Variants in MAP3K7 observed in about 807,000 individuals in gnomAD.
The protein encoded by MAP3K7 is TGF-beta activated kinase 1.
In MAP3K7, 21 loss-of-function variants were observed where a neutral mutation model predicts 84.8. The ratio of observed to expected loss-of-function variants is 0.25; its 90% CI spans 0.18 to 0.36. The LOEUF is 0.36. MAP3K7 is among the 10% of genes least tolerant of loss of function. The pLI is 1.00. For missense variants in MAP3K7, 503 were observed against 747.7 expected, an observed-to-expected ratio of 0.67 and a Z score of 3.82; for synonymous variants, 241 against 247.7, an observed-to-expected ratio of 0.97 and a Z score of 0.25.
At chr6:90,548,977 T>C (rs980792619) in intron 9 of MAP3K7, among the ~76,000 whole-genome samples, 10 of 151,954 alleles carry the variant, frequency 6.6e-5, no homozygotes, top group African/African-American at 2.4e-4. Context: ...TACGTCTGAA[T>C]GGAGTCAGCT....
At chr6:90,530,063 T>C (rs1280668114) in intron 13 of MAP3K7, among the ~76,000 whole-genome samples, 1 of 152,180 alleles carries the variant, frequency 6.6e-6, no homozygotes, top group Non-Finnish European at 1.5e-5. Context: ...AGTATAGACA[T>C]TATGAAATTA....
rs773288577 is a variant in MAP3K7 at position 90,556,650 on chromosome 6, C to A, written c.483-26G>T. The A allele has an allele frequency of 3.2e-6, 5 of 1,567,798 alleles. No individual in the cohort carries two copies. The Admixed American group carries it at 6.1e-5, about 19-fold the overall frequency. ...CTGTTTAAAAAAAAACAAAAAACAT[C>A]AAAAGTTACAAGGCCAACATTTTAT... On this transcript the variant is annotated intron_variant, in intron 5 of 16. Coordinates refer to ENST00000369329, the MANE Select transcript of MAP3K7 (RefSeq NM_145331.3).
intron 1 of MAP3K7, among the ~76,000 whole-genome samples, chr6:90,579,647 C>G (rs1013524712): frequency 2.0e-5 from 3 of 152,044 alleles, no homozygotes; most frequent in African/African-American, 7.2e-5. Context: ...TTTACTTGAC[C>G]TTAGTTAAGT....
In MAP3K7 at chr6:90,527,901, C is replaced by T. The variant is rs1775377385; in HGVS notation, c.1357-4118G>A. 2.9e-4 allele frequency among the ~76,000 whole-genome samples: 2 copies of T among 6,956 alleles called. 1 individual carries two copies. Among genetic ancestry groups the T allele is most frequent in the Non-Finnish European group, 4.9e-4 (2 of 4,066 alleles). The allele number at this position is 6,956 out of a possible 152,430, so 4.6% of individuals were successfully genotyped here. A position where few individuals can be genotyped will look rare whatever the true frequency, so the allele number is the denominator to read the frequency against. ...TTTTTTTTTTTTTTTTTTTTTGAGACGGAGTCTCGCTCTGTCGCCCAGGCT... is the reference window on the plus strand; with the variant it reads ...TTTTTTTTTTTTTTTTTTTTTGAGATGGAGTCTCGCTCTGTCGCCCAGGCT... On this transcript the variant is annotated intron_variant, in intron 13 of 16. Transcript: ENST00000369329.
At chr6:90,530,827 T>C (rs1775484679) in intron 13 of MAP3K7, among the ~76,000 whole-genome samples, 1 of 152,156 alleles carries the variant, frequency 6.6e-6, no homozygotes, top group Non-Finnish European at 1.5e-5. Flanking sequence ...GTGGCTGAAT[T>C]TATGTTACTG....
chr6:90,553,489 T>C lies in MAP3K7; in HGVS notation c.705A>G (p.Pro235=), dbSNP rs1776243340. ...GAACAGCCCACATGATTCGGAAAGC[T>C]GGGCCACCAATCTCATCAAAGGGTT... is the stretch of plus-strand genomic sequence containing the variant. ...RRKPFDEIGG[P]AFRIMWAVHN... is the part of the protein sequence containing the mutation. The change falls in exon 7 of 17, where the codon CCA becomes CCG. Residue 235 remains proline (P), a synonymous_variant. Transcript: ENST00000369329. The C allele has an allele frequency of 6.2e-7, 1 of 1,613,990 alleles. No individual in the cohort carries two copies. The highest frequency in any genetic ancestry group is 1.7e-5 in the Admixed American group (1 of 59,994).
At chr6:90,567,367 G>A (rs1410163413) in intron 3 of MAP3K7, among the ~76,000 whole-genome samples, 2 of 152,074 alleles carry the variant, frequency 1.3e-5, no homozygotes, top group African/African-American at 4.8e-5. Context: ...AAATTTACAA[G>A]AAAAAATCAA....
At chr6:90,581,401 T>C (rs1362598019) in intron 1 of MAP3K7, among the ~76,000 whole-genome samples, 1 of 152,226 alleles carries the variant, frequency 6.6e-6, no homozygotes, top group Non-Finnish European at 1.5e-5. Flanking sequence ...AGAACAAGCA[T>C]AGATCATACA....
At chr6:90,565,674 A>G (rs1776678215) in intron 3 of MAP3K7, among the ~76,000 whole-genome samples, 2 of 152,184 alleles carry the variant, frequency 1.3e-5, no homozygotes, top group Middle Eastern at 3.2e-3. Flanking sequence ...AACTATTCCA[A>G]TCGATAGAAA....
chr6:90,569,514 T>C (rs780728035), intron 2 of MAP3K7, among the ~76,000 whole-genome samples: 12 of 152,180 alleles, frequency 7.9e-5, no homozygotes, highest in Non-Finnish European at 1.8e-4. Flanking sequence ...CAGGTTTTGC[T>C]CTGTTACCCA....
chr6:90,566,859 A>T (rs1562104529), intron 3 of MAP3K7, among the ~76,000 whole-genome samples: 1 of 152,188 alleles, frequency 6.6e-6, no homozygotes, highest in Non-Finnish European at 1.5e-5. Context: ...TGGTACCAAA[A>T]CAGAGATATA....
chr6:90,555,815 A>G (rs1776318947), intron 6 of MAP3K7, among the ~76,000 whole-genome samples: 1 of 152,168 alleles, frequency 6.6e-6, no homozygotes, highest in African/African-American at 2.4e-5. Flanking sequence ...TTTCTGCTTA[A>G]AGACACCTTA....
intron 3 of MAP3K7, among the ~76,000 whole-genome samples, chr6:90,564,333 G>T (rs1337965297): frequency 6.6e-6 from 1 of 152,084 alleles, no homozygotes; most frequent in Non-Finnish European, 1.5e-5. Flanking sequence ...CATCTCACGG[G>T]CAGAGACACA....
At chr6:90,582,880 C>T (rs948722303) in intron 1 of MAP3K7, among the ~76,000 whole-genome samples, 13 of 129,156 alleles carry the variant, frequency 1.0e-4, no homozygotes, top group Non-Finnish European at 1.8e-4. Flanking sequence ...CTTCTATCAT[C>T]TTTTTTTTTT....
chr6:90,516,298 C>T lies in MAP3K7; in HGVS notation c.*203G>A. ...TGCTCATTCAAGTCACAGATGCTACCATGTTATGCAATGAAACAGTAAAAT... is the reference window on the plus strand; with the variant it reads ...TGCTCATTCAAGTCACAGATGCTACTATGTTATGCAATGAAACAGTAAAAT... On this transcript the variant is annotated 3_prime_UTR_variant, in exon 17 of 17. Transcript: ENST00000369329. The T allele has an allele frequency of 3.4e-6, 2 of 594,162 alleles. No homozygotes were observed. The highest frequency in any genetic ancestry group is 5.9e-6 in the Non-Finnish European group (2 of 338,088). The allele number at this position is 594,162 out of a possible 1,614,324, so 36.8% of individuals were successfully genotyped here.
intron 12 of MAP3K7, among the ~76,000 whole-genome samples, chr6:90,539,925 T>C (rs1775802824): frequency 6.6e-6 from 1 of 151,934 alleles, no homozygotes; most frequent in South Asian, 2.1e-4. Flanking sequence ...TATCATACTG[T>C]TAGTAAAAAA....
intron 14 of MAP3K7, among the ~76,000 whole-genome samples, chr6:90,519,723 C>T (rs1469235673): frequency 6.6e-6 from 1 of 151,860 alleles, no homozygotes; most frequent in African/African-American, 2.4e-5. Context: ...GCTATATCAA[C>T]TCCGCTAATA....
chr6:90,572,041 A>G (rs1005815256), intron 1 of MAP3K7, among the ~76,000 whole-genome samples: 1 of 152,050 alleles, frequency 6.6e-6, no homozygotes, highest in Non-Finnish European at 1.5e-5. Context: ...TATGATCTGT[A>G]CACCCTTTCA....
At chr6:90,582,268 A>G (rs1171612197) in intron 1 of MAP3K7, among the ~76,000 whole-genome samples, 5 of 152,240 alleles carry the variant, frequency 3.3e-5, no homozygotes, top group African/African-American at 4.8e-5. Flanking sequence ...GCCAAATCGC[A>G]TAACTCAGCT....
Sources: gnomAD v4.1 joint callset for allele counts (sites outside exome capture counted in the v4.1 genomes callset) on GRCh38, gnomAD v4.1.1 for gene constraint, MANE v1.5 for transcripts, NCBI Gene and HGNC (gene_info 2026-07-23, HGNC 2026-07-21) for gene names.